The following AMPH variants were observed in gnomAD, a reference collection of about 807,000 sequenced individuals.
AMPH encodes the protein amphiphysin.
In AMPH, 49 loss-of-function variants were observed where a neutral mutation model predicts 99.1. That is an observed-to-expected ratio of 0.49 (90% CI 0.39 to 0.63). AMPH has a LOEUF of 0.63. AMPH is among the 20% of genes least tolerant of loss of function. AMPH has a pLI of 0.00. For synonymous variants in AMPH, 314 were observed against 317.3 expected, an observed-to-expected ratio of 0.99 and a Z score of 0.11; for missense variants, 759 against 863.4, an observed-to-expected ratio of 0.88 and a Z score of 1.52.
intron 18 of AMPH, 122 bp from the exon 19 acceptor site, chr7:38,392,139 T>A: frequency 2.0e-6 from 2 of 979,976 alleles, no homozygotes; most frequent in Non-Finnish European, 3.0e-6. Flanking sequence ...ACTTCCCCAC[T>A]AGCCAGACTC....
intron 17 of AMPH, among the ~76,000 whole-genome samples, chr7:38,414,329 A>C (rs542801336): frequency 4.6e-4 from 70 of 152,350 alleles, no homozygotes; most frequent in Non-Finnish European, 9.7e-4. Flanking sequence ...TTCCCCAACA[A>C]TTCTAAGAAC....
intron 1 of AMPH, among the ~76,000 whole-genome samples, chr7:38,588,734 A>C (rs1337317110): frequency 6.6e-6 from 1 of 152,296 alleles, no homozygotes; most frequent in East Asian, 1.9e-4. Flanking sequence ...GGGGGAAAAA[A>C]CAGATATTTT....
intron 1 of AMPH, among the ~76,000 whole-genome samples, chr7:38,586,283 T>C (rs1487164309): frequency 1.3e-5 from 2 of 152,204 alleles, no homozygotes; most frequent in Admixed American, 1.3e-4. Flanking sequence ...CATTCTGCCA[T>C]TCTTGTGTCA....
At chr7:38,571,412 A>C (rs1792020531) in intron 1 of AMPH, among the ~76,000 whole-genome samples, 1 of 67,946 alleles carries the variant, frequency 1.5e-5, no homozygotes, top group Non-Finnish European at 2.7e-5. Flanking sequence ...TATAGAATAT[A>C]TATATTTATA....
Position 38,466,245 on chromosome 7 carries a change from T to A in AMPH, c.594A>T (p.Arg198=). ...TGAAAGTATTAACATAAAATCCAAC[T>A]CGTCTGCCATGTGGAAACACAAAGA... is the stretch of plus-strand genomic sequence containing the variant. The part of the protein sequence containing the change: ...QEELPSLWSR[R]VGFYVNTFKN... The change falls in exon 8 of 21, where the codon CGA becomes CGT. Residue 198 remains arginine (R), a synonymous_variant. Transcript: ENST00000356264. The A allele has an allele frequency of 6.3e-7, 1 of 1,586,748 alleles. No homozygotes were observed. Among genetic ancestry groups the A allele is most frequent in the Non-Finnish European group, 8.5e-7 (1 of 1,171,844 alleles).
At chr7:38,487,956 A>C (rs1033058659) in intron 5 of AMPH, among the ~76,000 whole-genome samples, 1 of 152,228 alleles carries the variant, frequency 6.6e-6, no homozygotes, top group African/African-American at 2.4e-5. Context: ...GAGAAATGCA[A>C]ATCAAAACCA....
At chr7:38,453,111 C>T (rs866406226) in intron 11 of AMPH, among the ~76,000 whole-genome samples, 3 of 152,158 alleles carry the variant, frequency 2.0e-5, no homozygotes, top group Non-Finnish European at 2.9e-5. Context: ...AGAGCCATGT[C>T]GCTTTTCAGA....
chr7:38,537,398 ATTATAG>A (rs1406198382), intron 1 of AMPH, among the ~76,000 whole-genome samples: 1 of 152,178 alleles, frequency 6.6e-6, no homozygotes, highest in Non-Finnish European at 1.5e-5. Flanking sequence ...ATCTATTATT[ATTATAG>A]TTATTTTTAT....
At chr7:38,443,766 G>T (rs60743671) in intron 11 of AMPH, among the ~76,000 whole-genome samples, 8,603 of 151,716 alleles carry the variant, frequency 0.057, 627 homozygotes, top group East Asian at 0.35. Context: ...AATACTACAT[G>T]CTCTTCCTCT....
In AMPH at chr7:38,431,485, A is replaced by G. The variant is rs573170386; in HGVS notation, c.1158+704T>C. Among the ~76,000 whole-genome samples the G allele has an allele frequency of 1.8e-4, 27 of 152,126 alleles. No homozygotes were observed. The East Asian group carries it at 2.7e-3, about 15-fold the overall frequency. On this transcript the variant is annotated intron_variant, in intron 13 of 20. Coordinates refer to ENST00000356264, the MANE Select transcript of AMPH (RefSeq NM_001635.4). ...ATCCTGGCTAACACGGTGAAACCCC[A>G]TCTCTACTAAAAATACAAAAATTAG...
intron 2 of AMPH, among the ~76,000 whole-genome samples, chr7:38,523,507 G>A (rs556675530): frequency 3.4e-4 from 52 of 152,312 alleles, no homozygotes; most frequent in African/African-American, 1.2e-3. Flanking sequence ...GGACAAAGGA[G>A]TCAACTCCTA....
chr7:38,465,220 T>C (rs1787604395), intron 9 of AMPH, among the ~76,000 whole-genome samples: 1 of 152,102 alleles, frequency 6.6e-6, no homozygotes, highest in African/African-American at 2.4e-5. Context: ...TCAGGCCTCA[T>C]GGAAAGCAGA....
chr7:38,415,431 A>G (rs1334792352), intron 17 of AMPH, among the ~76,000 whole-genome samples: 1 of 152,206 alleles, frequency 6.6e-6, no homozygotes. Flanking sequence ...AATTAATGCT[A>G]GGGACACAAT....
intron 18 of AMPH, among the ~76,000 whole-genome samples, chr7:38,393,613 G>A (rs1231224987): frequency 6.6e-6 from 1 of 151,510 alleles, no homozygotes; most frequent in Non-Finnish European, 1.5e-5. Context: ...CCACCAAACA[G>A]TAATAAGAAT....
At chr7:38,523,304 C>T (rs917316665) in intron 2 of AMPH, among the ~76,000 whole-genome samples, 1 of 152,082 alleles carries the variant, frequency 6.6e-6, no homozygotes, top group Non-Finnish European at 1.5e-5. Flanking sequence ...GTATGATACC[C>T]TAGAAACAAA....
intron 17 of AMPH, among the ~76,000 whole-genome samples, chr7:38,395,614 A>T (rs1784646166): frequency 6.6e-6 from 1 of 152,244 alleles, no homozygotes; most frequent in Non-Finnish European, 1.5e-5. Context: ...TCTCAGGTTG[A>T]TCTTATATAA....
chr7:38,452,976 A>G (rs955238334), intron 11 of AMPH, among the ~76,000 whole-genome samples: 3 of 152,250 alleles, frequency 2.0e-5, no homozygotes. Flanking sequence ...ATGTCACTCA[A>G]TAAACCAGAA....
chr7:38,540,168 T>C (rs1790757359), intron 1 of AMPH, among the ~76,000 whole-genome samples: 1 of 152,220 alleles, frequency 6.6e-6, no homozygotes, highest in Non-Finnish European at 1.5e-5. Flanking sequence ...GAAAGTTCAG[T>C]GCCTCGTGCA....
chr7:38,437,208 T>C (rs921766564), intron 11 of AMPH, among the ~76,000 whole-genome samples: 4 of 152,150 alleles, frequency 2.6e-5, no homozygotes, highest in Non-Finnish European at 5.9e-5. Flanking sequence ...GAAGTCAGCA[T>C]AACCCAGGCT....
Sources: allele counts gnomAD v4.1 joint callset (sites outside exome capture counted in the v4.1 genomes callset), GRCh38; gene constraint gnomAD v4.1.1; transcripts MANE v1.5; gene names NCBI Gene and HGNC (gene_info 2026-07-23, HGNC 2026-07-21).